The following FMN2 variants were observed in gnomAD, a reference collection of about 807,000 sequenced individuals.
The protein encoded by FMN2 is formin 2, also known as formin-2.
FMN2 carries 51 observed loss-of-function variants against 142.3 expected under a neutral mutation model. That is an observed-to-expected ratio of 0.36 (90% CI 0.29 to 0.45). FMN2 has a LOEUF of 0.45. Among genes scored for constraint, FMN2 ranks in the 20% least tolerant of loss-of-function variants. The pLI, the probability that FMN2 is intolerant of heterozygous loss-of-function variation, is 1.00. For synonymous variants in FMN2, 882 were observed against 869.8 expected (o/e 1.01, Z -0.25); for missense variants, 1,936 against 2,122.8 (o/e 0.91, Z 1.73).
At chr1:240,313,038 A>G (rs1225670136) in intron 8 of FMN2, among the ~76,000 whole-genome samples, 2 of 152,210 alleles carry the variant, frequency 1.3e-5, no homozygotes, top group African/African-American at 2.4e-5. Flanking sequence ...ACAAGGCTCA[A>G]TACAGAAATT....
intron 14 of FMN2, among the ~76,000 whole-genome samples, chr1:240,379,391 A>C (rs1159659747): frequency 3.3e-5 from 5 of 152,058 alleles, no homozygotes; most frequent in Non-Finnish European, 7.4e-5. Flanking sequence ...GGTGCCACTT[A>C]ATACCCAGCT....
chr1:240,324,910 T>C (rs1671109478), intron 8 of FMN2, among the ~76,000 whole-genome samples: 1 of 152,104 alleles, frequency 6.6e-6, no homozygotes, highest in African/African-American at 2.4e-5. Context: ...TTACAAACTA[T>C]GAGGGGAATT....
At chr1:240,293,794 C>T (rs1211282553) in intron 7 of FMN2, among the ~76,000 whole-genome samples, 1 of 152,120 alleles carries the variant, frequency 6.6e-6, no homozygotes, top group Non-Finnish European at 1.5e-5. Context: ...CCCTTCCCAG[C>T]TCCAAATACA....
At chr1:240,397,651 G>C (rs1051112612) in intron 15 of FMN2, among the ~76,000 whole-genome samples, 1 of 151,764 alleles carries the variant, frequency 6.6e-6, no homozygotes, top group East Asian at 1.9e-4. Context: ...TTAGCCAGGC[G>C]TGGTGGTAGG....
chr1:240,159,799 A>G (rs1054764132), intron 2 of FMN2, among the ~76,000 whole-genome samples: 2 of 151,346 alleles, frequency 1.3e-5, no homozygotes, highest in African/African-American at 2.4e-5. Flanking sequence ...AGCCCAAGTC[A>G]TGGTGGTATG....
chr1:240,330,971 TACA>T (rs1201763404), intron 11 of FMN2, among the ~76,000 whole-genome samples: 1 of 152,198 alleles, frequency 6.6e-6, no homozygotes, highest in Admixed American at 6.5e-5. Context: ...AATGTATAAT[TACA>T]ACTTTTTAAT....
intron 2 of FMN2, among the ~76,000 whole-genome samples, chr1:240,124,008 C>T (rs1445466776): frequency 6.6e-6 from 1 of 152,216 alleles, no homozygotes; most frequent in African/African-American, 2.4e-5. Flanking sequence ...GAATGTCCTT[C>T]CCTTTTAAGG....
At chr1:240,427,598 A>G (rs371430374) in intron 15 of FMN2, among the ~76,000 whole-genome samples, 3 of 152,332 alleles carry the variant, frequency 2.0e-5, no homozygotes, top group South Asian at 2.1e-4. Context: ...CATTTTCACA[A>G]TAGGTGCCCC....
chr1:240,290,125 C>T (rs1228667055), intron 7 of FMN2, among the ~76,000 whole-genome samples: 1 of 152,026 alleles, frequency 6.6e-6, no homozygotes, highest in Non-Finnish European at 1.5e-5. Context: ...TTTTGAATTG[C>T]TTTATTCTTT....
intron 2 of FMN2, among the ~76,000 whole-genome samples, chr1:240,128,817 C>A (rs1048595059): frequency 6.6e-6 from 1 of 152,040 alleles, no homozygotes; most frequent in Non-Finnish European, 1.5e-5. Flanking sequence ...TCATTGTTAC[C>A]GTAGACAAAA....
Position 240,092,439 on chromosome 1 carries a change from C to T in FMN2, c.330C>T (p.Ser110=). Residue 110 remains serine, a synonymous_variant, in exon 1 of 18, where the codon AGC becomes AGT. Transcript: ENST00000319653. ...CCCTGCAGACCGGGGAGCTGGACAGCGCTCACTCCCTGCTCACCAAGACTC... is the reference window on the plus strand; with the variant it reads ...CCCTGCAGACCGGGGAGCTGGACAGTGCTCACTCCCTGCTCACCAAGACTC... ...SQALQTGELD[S]AHSLLTKTPD... 1 of 1,610,776 alleles carries T rather than the reference C, an allele frequency of 6.2e-7. No individual in the cohort carries two copies. The highest frequency in any genetic ancestry group is 8.5e-7 in the Non-Finnish European group (1 of 1,178,718).
intron 1 of FMN2, among the ~76,000 whole-genome samples, chr1:240,113,300 G>A (rs545211608): frequency 1.2e-4 from 18 of 151,910 alleles, no homozygotes; most frequent in Non-Finnish European, 1.6e-4. Context: ...ACGGTGGTGC[G>A]CACCTGTAAT....
At chr1:240,165,357 G>A (rs920941429) in intron 2 of FMN2, among the ~76,000 whole-genome samples, 7 of 150,924 alleles carry the variant, frequency 4.6e-5, no homozygotes, top group African/African-American at 1.7e-4. Flanking sequence ...AAAATTTTTT[G>A]TAGGGACGGG....
rs1558468271 is a variant in FMN2 at position 240,392,547 on chromosome 1, CAG to C, written c.4899_4900del (p.Glu1633AspfsTer3). On this transcript the variant is annotated frameshift_variant, in exon 15 of 18. Coordinates refer to ENST00000319653, the MANE Select transcript of FMN2 (RefSeq NM_020066.5). LOFTEE classifies it high-confidence loss of function. Reference sequence around the variant, plus strand: ...CAAGAGGCAGAGGAAAATTCACTGACAGAGACTCATAAATGGTGAGAAATTAC... The same window carrying C: ...CAAGAGGCAGAGGAAAATTCACTGACAGACTCATAAATGGTGAGAAATTAC... 1 of 1,608,566 alleles carries C rather than the reference CAG, an allele frequency of 6.2e-7. No individual in the cohort carries two copies.
intron 8 of FMN2, among the ~76,000 whole-genome samples, chr1:240,318,414 CTTTTTT>C (rs961204738): frequency 1.3e-5 from 2 of 149,562 alleles, no homozygotes; most frequent in Non-Finnish European, 3.0e-5. Flanking sequence ...TTTTCTTTTT[CTTTTTT>C]TTTTCCATGT....
intron 15 of FMN2, among the ~76,000 whole-genome samples, chr1:240,413,884 T>A (rs1193462804): frequency 6.6e-6 from 1 of 152,200 alleles, no homozygotes; most frequent in Non-Finnish European, 1.5e-5. Flanking sequence ...ACAACTGCCG[T>A]GAGGCTCCTT....
chr1:240,111,433 T>C (rs1419601072), intron 1 of FMN2, among the ~76,000 whole-genome samples: 1 of 152,180 alleles, frequency 6.6e-6, no homozygotes, highest in Non-Finnish European at 1.5e-5. Context: ...TGCCCATTTT[T>C]ATGGTTATTT....
At chr1:240,154,900 T>C (rs1571995374) in intron 2 of FMN2, 1 of 136,370 alleles carries the variant, frequency 7.3e-6, no homozygotes. Context: ...CCCCTCCTTT[T>C]CTTTTCAACA....
intron 6 of FMN2, among the ~76,000 whole-genome samples, chr1:240,254,764 G>A (rs528847024): frequency 1.3e-5 from 2 of 152,276 alleles, no homozygotes; most frequent in Admixed American, 6.5e-5. Context: ...GCTAGGGGCA[G>A]CAGGGTCGTT....
Sources: gnomAD v4.1 joint callset for allele counts (sites outside exome capture counted in the v4.1 genomes callset) on GRCh38, gnomAD v4.1.1 for gene constraint, MANE v1.5 for transcripts, NCBI Gene and HGNC (gene_info 2026-07-23, HGNC 2026-07-21) for gene names.